MEOX2: variants seen among roughly 807,000 people sequenced by gnomAD.
The protein encoded by MEOX2 is homeobox protein MOX-2.
MEOX2 carries 11 observed loss-of-function variants against 27.0 expected under a neutral mutation model. The ratio of observed to expected loss-of-function variants is 0.41; its 90% confidence interval spans 0.26 to 0.68. The LOEUF is 0.68. Ranked by LOEUF, MEOX2 falls within the 30% of genes least tolerant of loss-of-function variation. The pLI, the probability that MEOX2 is intolerant of heterozygous loss-of-function variation, is 0.33. For missense variants in MEOX2, 436 were observed against 385.4 expected, an observed-to-expected ratio of 1.13 and a Z score of -1.10; for synonymous variants, 189 against 155.4, an observed-to-expected ratio of 1.22 and a Z score of -1.61.
At chr7:15,656,872 G>C (rs1008292965) in intron 1 of MEOX2, among the ~76,000 whole-genome samples, 1 of 151,278 alleles carries the variant, frequency 6.6e-6, no homozygotes, top group African/African-American at 2.4e-5. Context: ...ATTCTTTCTG[G>C]GTAGTCCTGC....
At chr7:15,636,985 G>T (rs1053999032) in intron 1 of MEOX2, among the ~76,000 whole-genome samples, 5 of 151,936 alleles carry the variant, frequency 3.3e-5, no homozygotes, top group African/African-American at 1.2e-4. Flanking sequence ...TGTTGCCCTG[G>T]GGATCAAGTT....
intron 1 of MEOX2, among the ~76,000 whole-genome samples, chr7:15,678,243 C>G (rs1360503822): frequency 6.6e-6 from 1 of 152,178 alleles, no homozygotes; most frequent in East Asian, 1.9e-4. Context: ...GTTAAAGGCA[C>G]TACACATACT....
chr7:15,619,397 GT>G lies in MEOX2; in HGVS notation c.691-6787del, dbSNP rs1477192774. Among the ~76,000 whole-genome samples, 4 of 152,036 alleles carry G rather than the reference GT, an allele frequency of 2.6e-5. No individual in the cohort carries two copies. In the East Asian group the frequency reaches 7.7e-4, roughly 29 times the overall value. ...TGTTCCCTAACATTATTGTTAATTT[GT>G]TGATTACATATAAATTAATATTTTT... On this transcript the variant is annotated intron_variant, in intron 2 of 2. Coordinates refer to ENST00000262041, the MANE Select transcript of MEOX2 (RefSeq NM_005924.5).
intron 1 of MEOX2, among the ~76,000 whole-genome samples, chr7:15,649,006 G>A (rs1781692260): frequency 6.6e-6 from 1 of 151,960 alleles, no homozygotes; most frequent in African/African-American, 2.4e-5. Context: ...CCTGAATTCT[G>A]GGAGGCCCTC....
intron 1 of MEOX2, among the ~76,000 whole-genome samples, chr7:15,663,347 T>G (rs2115385225): frequency 1.3e-5 from 2 of 152,112 alleles, no homozygotes; most frequent in East Asian, 1.9e-4. Context: ...TTTTTTTTTT[T>G]TTTGAGACGG....
chr7:15,676,857 C>CA (rs60038068), intron 1 of MEOX2, among the ~76,000 whole-genome samples: 7,422 of 132,308 alleles, frequency 0.056, 558 homozygotes, highest in African/African-American at 0.18. Context: ...AACTCGGTCT[C>CA]AAAAAAAAAA....
chr7:15,615,417 A>G (rs969781318), intron 2 of MEOX2, among the ~76,000 whole-genome samples: 4 of 87,718 alleles, frequency 4.6e-5, no homozygotes, highest in African/African-American at 1.7e-4. Flanking sequence ...CCTATTTTTA[A>G]AGCATTTGTA....
intron 1 of MEOX2, among the ~76,000 whole-genome samples, chr7:15,678,491 T>A (rs541602998): frequency 6.6e-6 from 1 of 152,346 alleles, no homozygotes; most frequent in African/African-American, 2.4e-5. Flanking sequence ...TTGCAAAATT[T>A]GCTTTGCATT....
chr7:15,630,224 G>GGAAGCAAT (rs1781380608), intron 1 of MEOX2, among the ~76,000 whole-genome samples: 1 of 152,062 alleles, frequency 6.6e-6, no homozygotes, highest in African/African-American at 2.4e-5. Context: ...TTTGCTCCCT[G>GGAAGCAAT]GGACTACGCT....
intron 1 of MEOX2, among the ~76,000 whole-genome samples, chr7:15,636,900 A>G (rs1158797761): frequency 4.6e-5 from 7 of 152,020 alleles, no homozygotes; most frequent in African/African-American, 1.4e-4. Context: ...CCCTTTTCAT[A>G]GTGGCATTAA....
intron 1 of MEOX2, among the ~76,000 whole-genome samples, chr7:15,671,398 C>A (rs989952457): frequency 6.6e-6 from 1 of 152,114 alleles, no homozygotes; most frequent in Non-Finnish European, 1.5e-5. Context: ...TTAAACCTAT[C>A]AAAATGTGTT....
chr7:15,672,099 A>T (rs1472657790), intron 1 of MEOX2, among the ~76,000 whole-genome samples: 1 of 151,222 alleles, frequency 6.6e-6, no homozygotes, highest in Non-Finnish European at 1.5e-5. Context: ...TTTAAAAAAA[A>T]ACAAAAAAAA....
intron 1 of MEOX2, among the ~76,000 whole-genome samples, chr7:15,674,551 A>C (rs1471396727): frequency 7.7e-6 from 1 of 130,466 alleles, no homozygotes; most frequent in Non-Finnish European, 1.7e-5. Context: ...ATTAGATAAA[A>C]GATTCTGTGT....
intron 2 of MEOX2, among the ~76,000 whole-genome samples, chr7:15,625,887 T>C (rs1781295139): frequency 6.6e-6 from 1 of 152,160 alleles, no homozygotes; most frequent in South Asian, 2.1e-4. Flanking sequence ...AAATATTATT[T>C]AGGTCTCATT....
intron 1 of MEOX2, among the ~76,000 whole-genome samples, chr7:15,627,657 T>C (rs1391812211): frequency 1.3e-5 from 2 of 152,152 alleles, no homozygotes; most frequent in Non-Finnish European, 2.9e-5. Context: ...AAAATACCAA[T>C]AGCAATTTTG....
At chr7:15,662,420 A>C (rs923352921) in intron 1 of MEOX2, among the ~76,000 whole-genome samples, 1 of 152,056 alleles carries the variant, frequency 6.6e-6, no homozygotes, top group African/African-American at 2.4e-5. Context: ...CTGTATACCA[A>C]ACTGCTCCAA....
chr7:15,650,694 A>G (rs983171931), intron 1 of MEOX2, among the ~76,000 whole-genome samples: 7 of 151,880 alleles, frequency 4.6e-5, no homozygotes, highest in African/African-American at 1.7e-4. Flanking sequence ...AGGGAAAAAA[A>G]TTGAGTTTTT....
intron 1 of MEOX2, among the ~76,000 whole-genome samples, chr7:15,628,652 A>T (rs555566353): frequency 6.6e-6 from 1 of 152,204 alleles, no homozygotes; most frequent in South Asian, 2.1e-4. Context: ...GAGTGACATA[A>T]GAGATGATGT....
chr7:15,635,903 A>G (rs1179178710), intron 1 of MEOX2, among the ~76,000 whole-genome samples: 1 of 152,036 alleles, frequency 6.6e-6, no homozygotes, highest in Non-Finnish European at 1.5e-5. Context: ...GTATCAGTGT[A>G]TGAAATTGTA....
Sources: allele counts gnomAD v4.1 joint callset (sites outside exome capture counted in the v4.1 genomes callset), GRCh38; gene constraint gnomAD v4.1.1; transcripts MANE v1.5; gene names NCBI Gene and HGNC (gene_info 2026-07-23, HGNC 2026-07-21).